The following PCDHA9 variants were observed in gnomAD, a reference collection of about 807,000 sequenced individuals.
PCDHA9 encodes the protein protocadherin alpha 9.
PCDHA9 carries 62 observed loss-of-function variants against 62.0 expected under a neutral mutation model. That is an observed-to-expected ratio of 1.00 (90% CI 0.81 to 1.23). The LOEUF (loss-of-function observed/expected upper bound fraction) is 1.23. Ranked by LOEUF, PCDHA9 falls within the 50% of genes most tolerant of loss-of-function variation. The pLI, the probability that PCDHA9 is intolerant of heterozygous loss-of-function variation, is 0.00. For missense variants in PCDHA9, 1,205 were observed against 1,249.8 expected (o/e 0.96, Z 0.54); for synonymous variants, 557 against 567.6 (o/e 0.98, Z 0.27).
At chr5:140,998,300 G>C (rs1287043977) in intron 3 of PCDHA9, among the ~76,000 whole-genome samples, 1 of 152,194 alleles carries the variant, frequency 6.6e-6, no homozygotes, top group Non-Finnish European at 1.5e-5. Context: ...CACACATTTA[G>C]TAAGGGCACC....
chr5:140,916,979 G>A (rs1280720524), intron 1 of PCDHA9, among the ~76,000 whole-genome samples: 1 of 152,144 alleles, frequency 6.6e-6, no homozygotes, highest in African/African-American at 2.4e-5. Flanking sequence ...TGAGTGATTC[G>A]CCTCTGGCCA....
Position 140,968,523 on chromosome 5 carries a change from A to T in PCDHA9, c.2395-10426A>T, listed in dbSNP as rs1441549667. ...CACATTCTGTACCCTACCTCAACCA[A>T]CTCGTCAGCAGCCTTCGAGATGGTG... On this transcript the variant is annotated intron_variant, in intron 1 of 3. Coordinates refer to ENST00000532602, the MANE Select transcript of PCDHA9 (RefSeq NM_031857.2). The T allele has an allele frequency of 1.3e-5, 21 of 1,613,762 alleles. No individual in the cohort carries two copies. Among genetic ancestry groups the T allele is most frequent in the Non-Finnish European group, 1.8e-5 (21 of 1,179,980 alleles).
At chr5:140,853,785 C>A in intron 1 of PCDHA9, 1 of 987,514 alleles carries the variant, frequency 1.0e-6, no homozygotes. Flanking sequence ...GTAGTAAGAG[C>A]AAATTTTCAT....
At chr5:140,882,971 G>C in intron 1 of PCDHA9, 1 of 1,614,206 alleles carries the variant, frequency 6.2e-7, no homozygotes, top group Non-Finnish European at 8.5e-7. Flanking sequence ...GATTCTGGAC[G>C]TGAATGACAA....
At chr5:140,924,104 C>A (rs538996937) in intron 1 of PCDHA9, among the ~76,000 whole-genome samples, 20 of 152,306 alleles carry the variant, frequency 1.3e-4, no homozygotes, top group Middle Eastern at 6.8e-3. Context: ...AATTTTCATT[C>A]CAAAGCAGTT....
intron 1 of PCDHA9, chr5:140,871,484 A>T: frequency 6.3e-7 from 1 of 1,592,270 alleles, no homozygotes; most frequent in Non-Finnish European, 8.6e-7. Context: ...GGGTCAAATC[A>T]CCCCGGACAG....
intron 1 of PCDHA9, among the ~76,000 whole-genome samples, chr5:140,855,209 T>C (rs951600231): frequency 6.7e-6 from 1 of 149,880 alleles, no homozygotes; most frequent in Non-Finnish European, 1.5e-5. Flanking sequence ...TAGTTTCCAT[T>C]TATGAAGCAC....
intron 3 of PCDHA9, 40 bp downstream of exon 3, chr5:140,982,603 G>A: frequency 6.2e-7 from 1 of 1,607,892 alleles, no homozygotes; most frequent in East Asian, 2.2e-5. Context: ...TTGGTTTCTG[G>A]AAAGTGATCA....
Position 140,886,842 on chromosome 5 carries a change from A to AG in PCDHA9, c.2394+35953_2394+35954insG, listed in dbSNP as rs1190647876. ...ACTTCGTCTTGAAAAAAAAAAAAAA[A>AG]AAAAAGAAAGGTCTTCCCAACTCCT... is the stretch of plus-strand genomic sequence containing the variant. On this transcript the variant is annotated intron_variant, in intron 1 of 3. Coordinates refer to ENST00000532602, the MANE Select transcript of PCDHA9 (RefSeq NM_031857.2). 2.4e-3 allele frequency among the ~76,000 whole-genome samples: 362 copies of AG among 151,632 alleles called. 2 individuals are homozygous for AG. Among genetic ancestry groups the AG allele is most frequent in the Middle Eastern group, 0.014 (4 of 292 alleles).
At chr5:140,891,937 C>G (rs1168665111) in intron 1 of PCDHA9, among the ~76,000 whole-genome samples, 3 of 152,166 alleles carry the variant, frequency 2.0e-5, no homozygotes, top group Admixed American at 2.0e-4. Context: ...CTTGGACTTC[C>G]CCTAGGCTCC....
intron 1 of PCDHA9, among the ~76,000 whole-genome samples, chr5:140,960,014 A>G (rs1380089859): frequency 6.6e-6 from 1 of 152,222 alleles, no homozygotes; most frequent in Non-Finnish European, 1.5e-5. Flanking sequence ...ATTTTGCATC[A>G]TGATTTTGTT....
At chr5:140,882,776 T>C in intron 1 of PCDHA9, 2 of 1,614,252 alleles carry the variant, frequency 1.2e-6, no homozygotes, top group Non-Finnish European at 1.7e-6. Context: ...GGCATTGACC[T>C]ACCGACTGGA....
chr5:140,893,689 A>G (rs999117899), intron 1 of PCDHA9, among the ~76,000 whole-genome samples: 2 of 152,192 alleles, frequency 1.3e-5, no homozygotes, highest in Non-Finnish European at 2.9e-5. Context: ...ATATCATCTC[A>G]TTCTATCCTA....
At chr5:140,921,695 A>G (rs1190217757) in intron 1 of PCDHA9, among the ~76,000 whole-genome samples, 1 of 152,216 alleles carries the variant, frequency 6.6e-6, no homozygotes, top group Admixed American at 6.5e-5. Context: ...GGCCACCTCA[A>G]TTTTAAACAG....
chr5:140,912,860 G>T (rs1554195574), intron 1 of PCDHA9, among the ~76,000 whole-genome samples: 1 of 152,182 alleles, frequency 6.6e-6, no homozygotes, highest in South Asian at 2.1e-4. Flanking sequence ...CAATTGAAAT[G>T]ATATATGGTT....
intron 1 of PCDHA9, among the ~76,000 whole-genome samples, chr5:140,931,598 A>G (rs2087630191): frequency 6.6e-6 from 1 of 152,200 alleles, no homozygotes; most frequent in African/African-American, 2.4e-5. Context: ...GTCTTTTTCC[A>G]TCATTGTTGA....
At chr5:140,876,135 A>T (rs782217370) in intron 1 of PCDHA9, 2 of 1,613,954 alleles carry the variant, frequency 1.2e-6, no homozygotes, top group Admixed American at 3.3e-5. Context: ...GTAAACCAGA[A>T]CTAACAGGGT....
At chr5:140,873,592 T>G (rs936003894) in intron 1 of PCDHA9, among the ~76,000 whole-genome samples, 1 of 152,234 alleles carries the variant, frequency 6.6e-6, no homozygotes, top group African/African-American at 2.4e-5. Flanking sequence ...TAAGCTAAAC[T>G]TAGATGTTCC....
At position 140,850,380 on chromosome 5, in the gene PCDHA9, G is replaced by A. The variant is rs1554144242; in HGVS notation, c.1885G>A (p.Gly629Ser). Residue 629 changes from glycine to serine, a missense_variant, in exon 1 of 4, where the codon GGC becomes AGC. Gly to Ser is a moderately conservative substitution (Grantham distance 56). This residue lies in a region of PCDHA9 where 887 missense variants were observed against 809.5 expected (regional missense o/e 1.10). Transcript: ENST00000532602. ...CCCGTTCCGCGTGGGGCTGTACACG[G>A]GCGAGATCAGCACAACGCGTGCCCT... ...SIPFRVGLYTGEISTTRALDE... is the reference protein window; with the variant it reads ...SIPFRVGLYTSEISTTRALDE... 2.5e-6 allele frequency: 4 copies of A among 1,597,780 alleles called. 1 individual carries two copies. Among genetic ancestry groups the A allele is most frequent in the East Asian group, 2.2e-5 (1 of 44,840 alleles).
Sources: allele counts gnomAD v4.1 joint callset (sites outside exome capture counted in the v4.1 genomes callset), GRCh38; gene constraint gnomAD v4.1.1; regional missense constraint gnomAD v4.1.1; transcripts MANE v1.5; gene names NCBI Gene and HGNC (gene_info 2026-07-23, HGNC 2026-07-21).